Variants in THEM4 observed in about 807,000 individuals in gnomAD.
THEM4 encodes the protein thioesterase superfamily member 4.
A neutral mutation model predicts 25.0 loss-of-function variants in THEM4; 22 were observed. That is an observed-to-expected ratio of 0.88 (90% CI 0.63 to 1.26). THEM4 has a LOEUF of 1.26. Among genes scored for constraint, THEM4 ranks in the 50% most tolerant of loss-of-function variants. THEM4 has a pLI of 0.00. For synonymous variants in THEM4, 113 were observed against 105.6 expected (o/e 1.07, Z -0.43); for missense variants, 286 against 300.3 (o/e 0.95, Z 0.35).
chr1:151,906,446 G>A (rs540846942), intron 1 of THEM4, among the ~76,000 whole-genome samples: 31 of 152,280 alleles, frequency 2.0e-4, no homozygotes, highest in Middle Eastern at 3.4e-3. Context: ...TGCACGGCCC[G>A]AGCCTCCCTG....
At chr1:151,895,304 T>C in intron 1 of THEM4, 110 bp from the exon 2 acceptor site, 2 of 956,894 alleles carry the variant, frequency 2.1e-6, no homozygotes, top group Non-Finnish European at 3.1e-6. Flanking sequence ...CCCCATAAGC[T>C]TGTCACTTCA....
At position 151,905,585 on chromosome 1, in the gene THEM4, C is replaced by T. The variant is rs180873290; in HGVS notation, c.99+3775G>A. Among the ~76,000 whole-genome samples the T allele has an allele frequency of 4.6e-5, 7 of 152,254 alleles. No individual in the cohort carries two copies. The East Asian group carries it at 7.7e-4, about 17-fold the overall frequency. On this transcript the variant is annotated intron_variant, in intron 1 of 5. Transcript: ENST00000368814. ...GGCAGTAACAGGCAAAGCCCTGACC[C>T]GGGTGTAGTCTTGATAACATTCTCA...
chr1:151,890,094 C>T (rs896638701), intron 2 of THEM4: 20 of 377,600 alleles, frequency 5.3e-5, no homozygotes, highest in South Asian at 1.5e-4. Context: ...TTAGTAGAGA[C>T]GGGGTTTCTC....
At chr1:151,879,455 T>A (rs1337855629) in intron 4 of THEM4, among the ~76,000 whole-genome samples, 1 of 151,958 alleles carries the variant, frequency 6.6e-6, no homozygotes, top group Non-Finnish European at 1.5e-5. Context: ...GCCAGAACAT[T>A]GGCTTGTAAG....
chr1:151,888,441 T>G, intron 3 of THEM4, 58 bp from the exon 4 acceptor site: 1 of 1,323,338 alleles, frequency 7.6e-7, no homozygotes, highest in Non-Finnish European at 1.1e-6. Flanking sequence ...ATAGAGAGCC[T>G]CTTGAAAGAG....
At chr1:151,887,838 C>G (rs1347066559) in intron 4 of THEM4, among the ~76,000 whole-genome samples, 1 of 152,150 alleles carries the variant, frequency 6.6e-6, no homozygotes, top group African/African-American at 2.4e-5. Flanking sequence ...GTGCTCCACC[C>G]AGAGCCCCTT....
rs1653546343 is a variant in THEM4 at position 151,871,179 on chromosome 1, G to T, written c.*3709C>A. Reference sequence around the variant, plus strand: ...GTCTCTACAAACAATACAAAAATTAGCTGGGTTTGGTGGTGTATGCCTATA... The same window carrying T: ...GTCTCTACAAACAATACAAAAATTATCTGGGTTTGGTGGTGTATGCCTATA... On this transcript the variant is annotated 3_prime_UTR_variant, in exon 6 of 6. Transcript: ENST00000368814. Among the ~76,000 whole-genome samples, 1 of 152,036 alleles carries T rather than the reference G, an allele frequency of 6.6e-6. No homozygotes were observed. Among genetic ancestry groups the T allele is most frequent in the Admixed American group, 6.6e-5 (1 of 15,260 alleles).
intron 3 of THEM4, among the ~76,000 whole-genome samples, chr1:151,888,778 T>A (rs114912338): frequency 0.025 from 3,761 of 152,216 alleles, 51 homozygotes; most frequent in African/African-American, 0.03. Flanking sequence ...CAGTGAGCTA[T>A]GATTATGCCA....
intron 1 of THEM4, among the ~76,000 whole-genome samples, chr1:151,907,655 CA>C (rs752071218): frequency 1.3e-5 from 2 of 152,218 alleles, no homozygotes; most frequent in African/African-American, 2.4e-5. Context: ...ATTCCTGCAA[CA>C]GAAGGATGAG....
intron 1 of THEM4, among the ~76,000 whole-genome samples, chr1:151,896,468 T>C (rs115123261): frequency 6.6e-6 from 1 of 152,200 alleles, no homozygotes; most frequent in Admixed American, 6.5e-5. Context: ...AAAAGAGGCA[T>C]GAAACAGTTT....
chr1:151,899,887 T>A (rs979655309), intron 1 of THEM4, among the ~76,000 whole-genome samples: 1 of 152,086 alleles, frequency 6.6e-6, no homozygotes, highest in African/African-American at 2.4e-5. Flanking sequence ...AAGGAAAGAA[T>A]CTTAAGAGCT....
In THEM4 at chr1:151,873,678, T is replaced by C. The variant is rs1156567233; in HGVS notation, c.*1210A>G. 6.6e-6 allele frequency: 1 copy of C among 152,182 alleles called. No individual in the cohort carries two copies. Among genetic ancestry groups the C allele is most frequent in the Admixed American group, 6.5e-5 (1 of 15,268 alleles). 9.4% of individuals were successfully genotyped at this position (152,182 alleles called of 1,614,324 possible). On this transcript the variant is annotated 3_prime_UTR_variant, in exon 6 of 6. Transcript: ENST00000368814. ...ATTCAGGTGGGTCCATTATGACTGGTTTCCTTATAAAAAGAGGAGACTTGG... is the reference window on the plus strand; with the variant it reads ...ATTCAGGTGGGTCCATTATGACTGGCTTCCTTATAAAAAGAGGAGACTTGG...
chr1:151,893,200 T>C (rs777721123), intron 2 of THEM4, among the ~76,000 whole-genome samples: 15 of 151,710 alleles, frequency 9.9e-5, no homozygotes, highest in Non-Finnish European at 1.9e-4. Flanking sequence ...TGTGAAACCC[T>C]GTCTCTATTA....
Position 151,909,445 on chromosome 1 carries a change from C to T in THEM4, c.14G>A (p.Cys5Tyr), listed in dbSNP as rs1001492692. The change falls in exon 1 of 6, where the codon TGC (cysteine) becomes TAC (tyrosine). Residue 5 changes from cysteine (C) to tyrosine (Y), a missense_variant. Physicochemically the swap from Cys to Tyr is radical, Grantham distance 194. Coordinates refer to ENST00000368814, the MANE Select transcript of THEM4 (RefSeq NM_053055.5). The stretch of plus-strand genomic sequence containing the variant: ...CCCCAGCGTGCGGAGGCGCGCGGCG[C>T]AGCTCCTCAGCATGGCTCCGGGCCG... The part of the protein sequence containing the change: MLRS[C>Y]AARLRTLGAL... 6 of 1,446,144 alleles carry T rather than the reference C, an allele frequency of 4.1e-6. No homozygotes were observed. The African/African-American group carries it at 4.5e-5, about 11-fold the overall frequency. The allele number at this position is 1,446,144 out of a possible 1,614,324, so 89.6% of individuals were successfully genotyped here.
chr1:151,880,358 G>T (rs1653785213), intron 4 of THEM4, among the ~76,000 whole-genome samples: 1 of 151,944 alleles, frequency 6.6e-6, no homozygotes, highest in African/African-American at 2.4e-5. Context: ...GGTGCCTGTA[G>T]TCCCAGCTAC....
intron 2 of THEM4, among the ~76,000 whole-genome samples, chr1:151,893,304 G>A (rs12067594): frequency 0.58 from 86,860 of 149,728 alleles, 25,532 homozygotes; most frequent in Admixed American, 0.67. Context: ...CCCGGGAGGA[G>A]GAGGTTGCAG....
chr1:151,883,549 G>A (rs189165202), intron 4 of THEM4, among the ~76,000 whole-genome samples: 3 of 152,222 alleles, frequency 2.0e-5, no homozygotes, highest in Non-Finnish European at 4.4e-5. Context: ...AATTCTAGAT[G>A]AGATTTGGGT....
At chr1:151,880,042 A>C (rs112492905) in intron 4 of THEM4, among the ~76,000 whole-genome samples, 3,752 of 151,664 alleles carry the variant, frequency 0.025, 50 homozygotes, top group African/African-American at 0.03. Context: ...GTGGCTATTC[A>C]CAGGAGTTAT....
At chr1:151,906,494 T>A (rs967440952) in intron 1 of THEM4, among the ~76,000 whole-genome samples, 1 of 152,194 alleles carries the variant, frequency 6.6e-6, no homozygotes, top group Admixed American at 6.5e-5. Flanking sequence ...CCCAGTCCCA[T>A]CGAGCACCCA....
Sources: gnomAD v4.1 joint callset for allele counts (sites outside exome capture counted in the v4.1 genomes callset) on GRCh38, gnomAD v4.1.1 for gene constraint, MANE v1.5 for transcripts, NCBI Gene and HGNC (gene_info 2026-07-23, HGNC 2026-07-21) for gene names.